The following TEX9 variants were observed in gnomAD, a reference collection of about 807,000 sequenced individuals.
TEX9 encodes the protein testis-expressed protein 9.
A neutral mutation model predicts 59.6 loss-of-function variants in TEX9; 74 were observed. The ratio of observed to expected loss-of-function variants is 1.24; its 90% CI spans 1.03 to 1.51. TEX9 has a LOEUF of 1.51. Among genes scored for constraint, TEX9 ranks in the 40% most tolerant of loss-of-function variants. TEX9 has a pLI of 0.00. For synonymous variants in TEX9, 186 were observed against 152.2 expected (o/e 1.22, Z -1.64); for missense variants, 522 against 447.8 (o/e 1.17, Z -1.49).
At chr15:56,459,999 AAAAAAAAAAAATACATATAT>A in the TEX9 span, among the ~76,000 whole-genome samples, 3 of 33,684 alleles carry the variant, frequency 8.9e-5, 1 homozygote, top group African/African-American at 3.3e-4. Context: ...TCAAAAAAAA[AAAAAAAAAAAATACATATAT>A]ATATATATAT....
chr15:56,364,673 G>C (rs181489784), upstream of TEX9, among the ~76,000 whole-genome samples: 153 of 152,242 alleles, frequency 1.0e-3, 2 homozygotes, highest in African/African-American at 3.4e-3. Flanking sequence ...TGGATATCCA[G>C]TTGTCTCCCC....
intron 1 of TEX9, among the ~76,000 whole-genome samples, chr15:56,252,155 T>TA (rs1354295523): frequency 2.0e-5 from 3 of 152,160 alleles, no homozygotes; most frequent in African/African-American, 7.2e-5. Flanking sequence ...GGCTCTGTGG[T>TA]ACCTTGTACA....
intron 12 of TEX9, chr15:56,444,353 C>A: frequency 9.6e-7 from 1 of 1,045,628 alleles, no homozygotes. Flanking sequence ...ATGTATTAGG[C>A]ACTGTTCTAG....
At chr15:56,348,225 G>T (rs758841488) in intron 1 of TEX9, among the ~76,000 whole-genome samples, 5 of 152,028 alleles carry the variant, frequency 3.3e-5, no homozygotes, top group Non-Finnish European at 5.9e-5. Flanking sequence ...TATATAAAAG[G>T]AGGGGATTAA....
intron 1 of TEX9, among the ~76,000 whole-genome samples, chr15:56,329,658 T>G (rs1216421597): frequency 1.3e-5 from 2 of 152,106 alleles, no homozygotes; most frequent in Non-Finnish European, 2.9e-5. Flanking sequence ...TACTGAAGAA[T>G]GCATCGAAGT....
intron 10 of TEX9, among the ~76,000 whole-genome samples, chr15:56,426,654 C>T (rs1281610374): frequency 2.7e-5 from 3 of 111,368 alleles, no homozygotes; most frequent in African/African-American, 9.2e-5. Flanking sequence ...CACACACACA[C>T]GTATGTATAC....
At chr15:56,335,116 A>G (rs1051177473) in intron 1 of TEX9, among the ~76,000 whole-genome samples, 2 of 152,154 alleles carry the variant, frequency 1.3e-5, no homozygotes, top group South Asian at 4.1e-4. Flanking sequence ...ATTGAAATAG[A>G]GACACTATAT....
chr15:56,384,089 G>A lies in TEX9; in HGVS notation c.263+58G>A, dbSNP rs549262468. 3.4e-5 allele frequency: 46 copies of A among 1,357,604 alleles called. 1 individual carries two copies. The South Asian group carries it at 5.1e-4, about 15-fold the overall frequency. 84.1% of individuals were successfully genotyped at this position (1,357,604 alleles called of 1,614,324 possible). A position where few individuals can be genotyped will look rare whatever the true frequency, so the allele number is the denominator to read the frequency against. On this transcript the variant is annotated intron_variant, in intron 4 of 12. Coordinates refer to ENST00000352903, the Ensembl canonical transcript of TEX9. ...TAAAAGGATGTACATGGATCGTTAT[G>A]TAAGATCTTTTTTGCATGCAAACAT...
At chr15:56,363,011 GGTTT>G (rs1596116894), upstream of TEX9, among the ~76,000 whole-genome samples, 1 of 152,050 alleles carries the variant, frequency 6.6e-6, no homozygotes, top group East Asian at 1.9e-4. Flanking sequence ...GACCATTATG[GGTTT>G]GTTTTGCATT....
At chr15:56,410,540 A>G (rs2140128863) in intron 9 of TEX9, among the ~76,000 whole-genome samples, 1 of 151,896 alleles carries the variant, frequency 6.6e-6, no homozygotes, top group African/African-American at 2.4e-5. Flanking sequence ...GCAACCTGTA[A>G]CTCCTTAAAT....
intron 1 of TEX9, among the ~76,000 whole-genome samples, chr15:56,268,135 T>C (rs2044433744): frequency 6.6e-6 from 1 of 152,196 alleles, no homozygotes; most frequent in Admixed American, 6.5e-5. Flanking sequence ...TGTCTGTTAT[T>C]GGTGTATAGG....
upstream of TEX9, among the ~76,000 whole-genome samples, chr15:56,363,137 A>T (rs1405185791): frequency 6.6e-6 from 1 of 152,038 alleles, no homozygotes. Context: ...ATTGTTTGGT[A>T]ACTCTGTGTA....
At chr15:56,341,994 G>GT (rs1304796720) in intron 1 of TEX9, among the ~76,000 whole-genome samples, 56 of 150,968 alleles carry the variant, frequency 3.7e-4, no homozygotes, top group Admixed American at 1.3e-3. Context: ...TGTCAGCTAT[G>GT]TTTTTTTTTG....
intron 1 of TEX9, among the ~76,000 whole-genome samples, chr15:56,285,614 G>A (rs1435620856): frequency 6.6e-6 from 1 of 152,096 alleles, no homozygotes; most frequent in African/African-American, 2.4e-5. Context: ...CCTTCCCTTG[G>A]ATTTTGGCCT....
chr15:56,388,713 A>G (rs1288201386), intron 5 of TEX9, among the ~76,000 whole-genome samples, 193 bp downstream of exon 5: 1 of 152,022 alleles, frequency 6.6e-6, no homozygotes, highest in Non-Finnish European at 1.5e-5. Context: ...TCATAATTTC[A>G]CTGAATAATT....
At chr15:56,359,189 A>C (rs2046745714) in intron 1 of TEX9, among the ~76,000 whole-genome samples, 1 of 152,098 alleles carries the variant, frequency 6.6e-6, no homozygotes, top group African/African-American at 2.4e-5. Flanking sequence ...CTTTACTAGA[A>C]ATTTTTATTG....
intron 1 of TEX9, among the ~76,000 whole-genome samples, chr15:56,316,152 G>A (rs1392848481): frequency 9.0e-5 from 13 of 145,136 alleles, no homozygotes; most frequent in East Asian, 6.1e-4. Flanking sequence ...CTCTCAGCTC[G>A]TCAAAGTCAT....
chr15:56,332,119 G>T (rs2046159070), intron 1 of TEX9, among the ~76,000 whole-genome samples: 2 of 126,590 alleles, frequency 1.6e-5, no homozygotes, highest in South Asian at 3.0e-4. Flanking sequence ...CCCATTACTG[G>T]GTATATACCC....
At chr15:56,280,830 A>G (rs1176136871) in intron 1 of TEX9, among the ~76,000 whole-genome samples, 5 of 152,220 alleles carry the variant, frequency 3.3e-5, no homozygotes, top group African/African-American at 1.2e-4. Flanking sequence ...AGAAAAATCA[A>G]TGTTATTGCA....
Sources: gnomAD v4.1 joint callset for allele counts (sites outside exome capture counted in the v4.1 genomes callset) on GRCh38, gnomAD v4.1.1 for gene constraint, MANE v1.5 for transcripts, NCBI Gene and HGNC (gene_info 2026-07-23, HGNC 2026-07-21) for gene names.